The following MALRD1 variants were observed in gnomAD, a reference collection of about 807,000 sequenced individuals.
MALRD1 encodes MAM and LDL receptor class A domain containing 1.
MALRD1 carries 247 observed loss-of-function variants against 242.1 expected under a neutral mutation model. The ratio of observed to expected loss-of-function variants is 1.02; its 90% CI spans 0.92 to 1.13. The LOEUF is 1.13. Among genes scored for constraint, MALRD1 ranks in the 50% most tolerant of loss-of-function variants. The probability of loss-of-function intolerance (pLI) is 0.00; values close to 1 mark genes in which losing one functional copy is unlikely to be tolerated. For synonymous variants in MALRD1, 995 were observed against 866.6 expected (o/e 1.15, Z -2.60); for missense variants, 2,989 against 2,533.1 (o/e 1.18, Z -3.86).
intron 33 of MALRD1, among the ~76,000 whole-genome samples, chr10:19,575,545 A>T (rs1283199226): frequency 6.6e-6 from 1 of 151,990 alleles, no homozygotes; most frequent in African/African-American, 2.4e-5. Context: ...ACTAATAGAG[A>T]TTATTGCCAA....
intron 33 of MALRD1, among the ~76,000 whole-genome samples, chr10:19,582,051 C>G (rs1450235619): frequency 6.6e-6 from 1 of 151,986 alleles, no homozygotes; most frequent in Non-Finnish European, 1.5e-5. Flanking sequence ...TGTCCTTTGC[C>G]CACTTTTTGA....
In MALRD1 at chr10:19,498,493, A is replaced by T. The variant is rs1277424743; in HGVS notation, c.5167A>T (p.Thr1723Ser). 6.5e-7 allele frequency: 1 copy of T among 1,549,942 alleles called. No individual in the cohort carries two copies. Among genetic ancestry groups the T allele is most frequent in the Non-Finnish European group, 8.7e-7 (1 of 1,146,526 alleles). ...RSDEAHCAHY[T>S]STTGSCNFET... ...TGTTTTTGCTTCCCCAGCACATTAT[A>T]CAAGCACAACAGGAAGCTGCAATTT... Residue 1723 changes from threonine to serine, a missense_variant, in exon 31 of 40, where the codon ACA (threonine) becomes TCA (serine). Transcript: ENST00000454679.
At chr10:19,598,009 G>A (rs1375616045) in intron 34 of MALRD1, among the ~76,000 whole-genome samples, 2 of 152,170 alleles carry the variant, frequency 1.3e-5, no homozygotes, top group Non-Finnish European at 2.9e-5. Context: ...GAATCCTGGA[G>A]AGAGAAGCAG....
At chr10:19,723,956 G>C (rs1185955869) in intron 38 of MALRD1, among the ~76,000 whole-genome samples, 3 of 133,958 alleles carry the variant, frequency 2.2e-5, no homozygotes, top group Admixed American at 7.5e-5. Flanking sequence ...AACTCAGGGG[G>C]CTGAGGCAGG....
At position 19,189,506 on chromosome 10, in the gene MALRD1, C is replaced by A. The variant is rs558167486; in HGVS notation, c.1951+14178C>A. Among the ~76,000 whole-genome samples, 9 of 151,542 alleles carry A rather than the reference C, an allele frequency of 5.9e-5. No individual in the cohort carries two copies. In the South Asian group the frequency reaches 1.5e-3, roughly 24 times the overall value. ...AGACTCAAGCCAGACAAAGAGACTG[C>A]AAAAAAAACTATGAACCTATATGCT... On this transcript the variant is annotated intron_variant, in intron 14 of 39. Transcript: ENST00000454679.
At chr10:19,163,561 G>C (rs900667736) in intron 12 of MALRD1, among the ~76,000 whole-genome samples, 3 of 152,090 alleles carry the variant, frequency 2.0e-5, no homozygotes, top group African/African-American at 7.2e-5. Flanking sequence ...ACAATGCTTA[G>C]TGCCTGGGTG....
intron 38 of MALRD1, among the ~76,000 whole-genome samples, chr10:19,695,046 G>C (rs1310143348): frequency 6.6e-6 from 1 of 152,130 alleles, no homozygotes; most frequent in Non-Finnish European, 1.5e-5. Context: ...CAGAGGAAGG[G>C]TGACATCACA....
intron 31 of MALRD1, among the ~76,000 whole-genome samples, chr10:19,530,439 A>ATTATAAATAT (rs1564417583): frequency 1.1e-5 from 1 of 90,710 alleles, no homozygotes; most frequent in South Asian, 2.9e-4. Context: ...AATATATATA[A>ATTATAAATAT]TATATAATAT....
chr10:19,135,713 A>G (rs989110761), intron 9 of MALRD1, among the ~76,000 whole-genome samples: 4 of 152,196 alleles, frequency 2.6e-5, no homozygotes, highest in Non-Finnish European at 5.9e-5. Context: ...ATTAATTTGA[A>G]TTGAAATAGT....
chr10:19,134,313 A>G (rs962285103), intron 9 of MALRD1, among the ~76,000 whole-genome samples: 3 of 152,240 alleles, frequency 2.0e-5, no homozygotes, highest in Admixed American at 2.0e-4. Flanking sequence ...TGAATGCAAT[A>G]ATTCATATCT....
chr10:19,079,746 A>G (rs183824815), intron 2 of MALRD1, among the ~76,000 whole-genome samples: 79 of 151,872 alleles, frequency 5.2e-4, no homozygotes, highest in Admixed American at 1.7e-3. Context: ...TTTGTCTCCA[A>G]TAAGAATTCT....
rs573406834 is a variant in MALRD1 at position 19,227,324 on chromosome 10, A to G, written c.2991+17644A>G. On this transcript the variant is annotated intron_variant, in intron 18 of 39. Coordinates refer to ENST00000454679, the MANE Select transcript of MALRD1 (RefSeq NM_001142308.3). ...ATCAGTGAAACAGAGTAAATAATTT[A>G]GAAATATATCCAGCCTTACATGGCC... 1.1e-3 allele frequency among the ~76,000 whole-genome samples: 160 copies of G among 152,240 alleles called. 3 individuals are homozygous for G. Among genetic ancestry groups the G allele is most frequent in the African/African-American group, 3.8e-3 (160 of 41,564 alleles).
chr10:19,335,117 A>G (rs918235285), intron 24 of MALRD1, among the ~76,000 whole-genome samples: 2 of 151,612 alleles, frequency 1.3e-5, no homozygotes, highest in Non-Finnish European at 2.9e-5. Context: ...GTAATCATGA[A>G]CCTTTGGAGG....
At chr10:19,098,559 C>G (rs530025017) in intron 4 of MALRD1, among the ~76,000 whole-genome samples, 6 of 152,168 alleles carry the variant, frequency 3.9e-5, no homozygotes, top group African/African-American at 9.6e-5. Flanking sequence ...AATAATTACT[C>G]TCATCATTTT....
chr10:19,429,126 C>T (rs1028323978), intron 28 of MALRD1, among the ~76,000 whole-genome samples: 3 of 152,150 alleles, frequency 2.0e-5, no homozygotes, highest in South Asian at 2.1e-4. Flanking sequence ...ACACACTTGA[C>T]GACAAAGGCT....
intron 18 of MALRD1, among the ~76,000 whole-genome samples, chr10:19,246,259 C>T (rs143946430): frequency 0.016 from 2,411 of 152,164 alleles, 214 homozygotes; most frequent in Admixed American, 0.14. Flanking sequence ...TTTTGATAAC[C>T]AGCTAGCATA....
At chr10:19,487,541 AG>A (rs1371906506) in intron 29 of MALRD1, among the ~76,000 whole-genome samples, 3 of 149,742 alleles carry the variant, frequency 2.0e-5, no homozygotes, top group Admixed American at 6.6e-5. Context: ...TTTTTATAAA[AG>A]CCAAAGAACC....
intron 19 of MALRD1, among the ~76,000 whole-genome samples, chr10:19,266,970 G>C (rs1839998840): frequency 6.6e-6 from 1 of 151,976 alleles, no homozygotes. Context: ...GTATCTCAAA[G>C]GAAGTATTTG....
At chr10:19,688,159 G>A (rs1209291325) in intron 36 of MALRD1, among the ~76,000 whole-genome samples, 2 of 152,078 alleles carry the variant, frequency 1.3e-5, no homozygotes, top group African/African-American at 4.8e-5. Flanking sequence ...TAGTAGAGAA[G>A]GGGTTTTGCC....
Sources: gnomAD v4.1 joint callset for allele counts (sites outside exome capture counted in the v4.1 genomes callset) on GRCh38, gnomAD v4.1.1 for gene constraint, MANE v1.5 for transcripts, NCBI Gene and HGNC (gene_info 2026-07-23, HGNC 2026-07-21) for gene names.